The following PRKN variants were observed in gnomAD, a reference collection of about 807,000 sequenced individuals.
PRKN encodes the protein E3 ubiquitin-protein ligase parkin.
Under a neutral mutation model 59.5 loss-of-function variants are expected in PRKN, and 56 were observed. That is an observed-to-expected ratio of 0.94 (90% CI 0.76 to 1.18). The LOEUF (loss-of-function observed/expected upper bound fraction) is 1.18, where lower values mean the gene tolerates loss of function less well. PRKN is among the 50% of genes most tolerant of loss of function. The pLI, the probability that PRKN is intolerant of heterozygous loss-of-function variation, is 0.00. For synonymous variants in PRKN, 250 were observed against 222.1 expected, an observed-to-expected ratio of 1.13 and a Z score of -1.12; for missense variants, 657 against 596.4, an observed-to-expected ratio of 1.10 and a Z score of -1.06.
chr6:162,068,873 G>A (rs937714260), intron 4 of PRKN, among the ~76,000 whole-genome samples: 4 of 152,180 alleles, frequency 2.6e-5, no homozygotes, highest in African/African-American at 9.6e-5. Context: ...GTCTGTCCAT[G>A]CCCCGTTTAA....
intron 1 of PRKN, among the ~76,000 whole-genome samples, chr6:162,594,666 C>T (rs1287969230): frequency 6.6e-6 from 1 of 151,446 alleles, no homozygotes; most frequent in Non-Finnish European, 1.5e-5. Context: ...AATATGTCAT[C>T]CAAGTTCACT....
At chr6:161,591,332 C>G (rs1306531054) in intron 7 of PRKN, among the ~76,000 whole-genome samples, 1 of 152,124 alleles carries the variant, frequency 6.6e-6, no homozygotes, top group Non-Finnish European at 1.5e-5. Flanking sequence ...AAAAGTCACT[C>G]AGTATCACTA....
intron 1 of PRKN, among the ~76,000 whole-genome samples, chr6:162,629,232 C>G (rs1034410377): frequency 6.6e-6 from 1 of 152,026 alleles, no homozygotes; most frequent in Non-Finnish European, 1.5e-5. Context: ...ATGCATAAAT[C>G]TAAGTTTCAA....
intron 6 of PRKN, among the ~76,000 whole-genome samples, chr6:161,969,268 GTT>G (rs61461516): frequency 0.017 from 2,311 of 133,930 alleles, 48 homozygotes; most frequent in African/African-American, 0.054. Flanking sequence ...AGTCTTATTT[GTT>G]TTTTTTTTTT....
rs148942174 is a variant in PRKN at position 161,471,583 on chromosome 6, T to C, written c.1083+77271A>G. On this transcript the variant is annotated intron_variant, in intron 9 of 11. Transcript: ENST00000366898. This position sits in a 1 kb window ranked among gnomAD's most constrained non-coding sequence, Gnocchi z 4.5. ...AACTTGAAAATAGACCTTGACAGAA[T>C]GATGACCTAATTTCTATATGCTCTT... 6.6e-6 allele frequency among the ~76,000 whole-genome samples: 1 copy of C among 152,320 alleles called. No homozygotes were observed. The highest frequency in any genetic ancestry group is 1.5e-5 in the Non-Finnish European group (1 of 68,030).
At chr6:162,284,793 C>G (rs1242981061) in intron 2 of PRKN, among the ~76,000 whole-genome samples, 2 of 152,176 alleles carry the variant, frequency 1.3e-5, no homozygotes, top group East Asian at 3.9e-4. Context: ...GCCAACCTCA[C>G]AAGTTGCTAT....
intron 1 of PRKN, among the ~76,000 whole-genome samples, chr6:162,596,948 A>G (rs777904362): frequency 6.6e-6 from 1 of 152,186 alleles, no homozygotes; most frequent in East Asian, 1.9e-4. Context: ...GCAGAAAGAC[A>G]CTATACTAGT....
rs73783395 is a variant in PRKN at position 161,763,011 on chromosome 6, A to T, written c.871+22761T>A. Among the ~76,000 whole-genome samples the T allele has an allele frequency of 9.7e-3, 1,474 of 152,310 alleles. 25 individuals carry two copies. The highest frequency in any genetic ancestry group is 0.033 in the African/African-American group (1,376 of 41,562). On this transcript the variant is annotated intron_variant, in intron 7 of 11. Coordinates refer to ENST00000366898, the MANE Select transcript of PRKN (RefSeq NM_004562.3). ...GAGAGCATATAGAAATAAAACCCAG[A>T]ATAGATGACAGTTTCTTAAGATAAG...
At chr6:161,940,908 A>G (rs1331207960) in intron 6 of PRKN, among the ~76,000 whole-genome samples, 1 of 152,204 alleles carries the variant, frequency 6.6e-6, no homozygotes, top group South Asian at 2.1e-4. Flanking sequence ...CTCCTAATGC[A>G]TTAGGTTCTC....
intron 6 of PRKN, among the ~76,000 whole-genome samples, chr6:161,792,200 G>T (rs918460973): frequency 6.6e-6 from 1 of 152,228 alleles, no homozygotes; most frequent in Non-Finnish European, 1.5e-5. Flanking sequence ...CTGAAACTGT[G>T]AGAGGCAATG....
intron 1 of PRKN, among the ~76,000 whole-genome samples, chr6:162,596,002 A>G (rs1781482727): frequency 6.6e-6 from 1 of 151,874 alleles, no homozygotes; most frequent in South Asian, 2.1e-4. Context: ...ACTCAGATAC[A>G]TCTGGTGAAA....
intron 9 of PRKN, among the ~76,000 whole-genome samples, chr6:161,387,740 C>T (rs572240093): frequency 6.6e-6 from 1 of 152,186 alleles, no homozygotes; most frequent in Admixed American, 6.5e-5. Flanking sequence ...GAACCGTGCC[C>T]CCACATAATG....
At chr6:162,102,607 G>A (rs1484280935) in intron 4 of PRKN, among the ~76,000 whole-genome samples, 1 of 152,048 alleles carries the variant, frequency 6.6e-6, no homozygotes, top group South Asian at 2.1e-4. Flanking sequence ...AAAAACATAC[G>A]CAGGTATTTT....
chr6:162,290,367 T>C (rs1781374685), intron 2 of PRKN, among the ~76,000 whole-genome samples: 1 of 152,184 alleles, frequency 6.6e-6, no homozygotes, highest in Non-Finnish European at 1.5e-5. Flanking sequence ...GGCCTCTTAG[T>C]GAGTTAATCA....
At chr6:162,650,194 C>A (rs1778364783) in intron 1 of PRKN, among the ~76,000 whole-genome samples, 1 of 152,182 alleles carries the variant, frequency 6.6e-6, no homozygotes. Context: ...TTCTGCCCTG[C>A]TGGAAACTGT....
intron 7 of PRKN, among the ~76,000 whole-genome samples, chr6:161,707,746 A>C (rs1386543505): frequency 2.6e-5 from 4 of 152,172 alleles, no homozygotes; most frequent in African/African-American, 9.7e-5. Context: ...TTTCCAATTC[A>C]GTGCTCTAAT....
chr6:162,082,290 G>A (rs890423698), intron 4 of PRKN, among the ~76,000 whole-genome samples: 3 of 152,008 alleles, frequency 2.0e-5, no homozygotes, highest in Non-Finnish European at 4.4e-5. Context: ...TTCACCTTCT[G>A]CCATGATTAT....
At chr6:162,219,053 G>A (rs1225615443) in intron 3 of PRKN, among the ~76,000 whole-genome samples, 1 of 152,064 alleles carries the variant, frequency 6.6e-6, no homozygotes, top group African/African-American at 2.4e-5. Context: ...AGCTGGTCAT[G>A]GTGGCATGCA....
At position 161,560,438 on chromosome 6, in the gene PRKN, C is replaced by T. The variant is rs1428497193; in HGVS notation, c.933+8917G>A. On this transcript the variant is annotated intron_variant, in intron 8 of 11. Transcript: ENST00000366898. The surrounding 1 kb of genome is among the most constrained non-coding windows in gnomAD (Gnocchi z 4.9). The stretch of plus-strand genomic sequence containing the variant: ...TCCTTTGAGACCCATGCTTCACCCT[C>T]ACCTCCTCACTGCTGCCCCCTGATC... 6.6e-6 allele frequency among the ~76,000 whole-genome samples: 1 copy of T among 152,164 alleles called. No homozygotes were observed. Among genetic ancestry groups the T allele is most frequent in the Non-Finnish European group, 1.5e-5 (1 of 68,040 alleles).
Sources: allele counts gnomAD v4.1 joint callset (sites outside exome capture counted in the v4.1 genomes callset), GRCh38; gene constraint gnomAD v4.1.1; non-coding constraint Gnocchi (gnomAD v3.1); transcripts MANE v1.5; gene names NCBI Gene and HGNC (gene_info 2026-07-23, HGNC 2026-07-21).